FHIT: variants seen among roughly 807,000 people sequenced by gnomAD.
FHIT encodes the protein bis(5'-adenosyl)-triphosphatase.
Under a neutral mutation model 17.9 loss-of-function variants are expected in FHIT, and 19 were observed. The ratio of observed to expected loss-of-function variants is 1.06; its 90% CI spans 0.74 to 1.56. The LOEUF (loss-of-function observed/expected upper bound fraction) is 1.56. FHIT is among the 40% of genes most tolerant of loss of function. The probability of loss-of-function intolerance (pLI) is 0.00; values close to 1 mark genes in which losing one functional copy is unlikely to be tolerated. For missense variants in FHIT, 248 were observed against 189.2 expected (o/e 1.31, Z -1.82); for synonymous variants, 81 against 69.7 (o/e 1.16, Z -0.81).
chr3:60,912,660 C>G (rs573331194), intron 3 of FHIT: 1 of 447,040 alleles, frequency 2.2e-6, no homozygotes, highest in Admixed American at 2.7e-5. Flanking sequence ...AGAGATAACT[C>G]TAGATATTCA....
chr3:60,205,276 G>A (rs1244143312), intron 5 of FHIT, among the ~76,000 whole-genome samples: 6 of 152,060 alleles, frequency 3.9e-5, no homozygotes, highest in Admixed American at 2.6e-4. Context: ...AAAGATAAAA[G>A]AATGAGTAAT....
chr3:60,037,428 G>A lies in FHIT; in HGVS notation c.104-23276C>T, dbSNP rs144849276. Among the ~76,000 whole-genome samples, 184 of 140,992 alleles carry A rather than the reference G, an allele frequency of 1.3e-3. 1 individual carries two copies. The highest frequency in any genetic ancestry group is 4.5e-3 in the African/African-American group (168 of 37,440). 92.5% of individuals were successfully genotyped at this position (140,992 alleles called of 152,430 possible). A position where few individuals can be genotyped will look rare whatever the true frequency, so the allele number is the denominator to read the frequency against. ...TTTTGAGACGGAGTCTTGCTCTGTCGCCCGAGTGCAGTGGCGAAATCTTGG... is the reference window on the plus strand; with the variant it reads ...TTTTGAGACGGAGTCTTGCTCTGTCACCCGAGTGCAGTGGCGAAATCTTGG... On this transcript the variant is annotated intron_variant, in intron 5 of 9. Coordinates refer to ENST00000492590, the MANE Select transcript of FHIT (RefSeq NM_002012.4).
intron 8 of FHIT, among the ~76,000 whole-genome samples, chr3:59,910,472 C>T (rs1486445852): frequency 1.3e-5 from 2 of 152,074 alleles, no homozygotes; most frequent in African/African-American, 4.8e-5. Context: ...TTTCACATTT[C>T]CCCCCCTTCT....
chr3:60,643,979 T>A, intron 4 of FHIT, among the ~76,000 whole-genome samples: 1 of 152,194 alleles, frequency 6.6e-6, no homozygotes, highest in East Asian at 1.9e-4. Context: ...ACCAAATATG[T>A]TTGGGCAATG....
At chr3:60,272,085 G>A (rs1271222805) in intron 5 of FHIT, among the ~76,000 whole-genome samples, 1 of 152,200 alleles carries the variant, frequency 6.6e-6, no homozygotes, top group Non-Finnish European at 1.5e-5. Context: ...CCACGCTGCA[G>A]TACTGCCTCC....
chr3:60,798,408 T>A (rs1276902679), intron 4 of FHIT, among the ~76,000 whole-genome samples: 1 of 152,230 alleles, frequency 6.6e-6, no homozygotes, highest in East Asian at 1.9e-4. Flanking sequence ...AGAGCTGTTG[T>A]CTTTGATATT....
Position 60,885,388 on chromosome 3 carries a change from T to C in FHIT, c.-110-63377A>G, listed in dbSNP as rs541353708. 1.1e-4 allele frequency among the ~76,000 whole-genome samples: 17 copies of C among 152,276 alleles called. 1 individual carries two copies. The East Asian group carries it at 3.3e-3, about 29-fold the overall frequency. ...ATATCTTTAATAAATTAAACTTTTG[T>C]TAAAAGCCCAAATTATAGTAAATAA... On this transcript the variant is annotated intron_variant, in intron 3 of 9. Transcript: ENST00000492590.
intron 8 of FHIT, among the ~76,000 whole-genome samples, chr3:59,854,142 T>A (rs981281555): frequency 1.9e-4 from 29 of 152,156 alleles, no homozygotes; most frequent in Admixed American, 6.6e-5. Flanking sequence ...GTATCAAAAG[T>A]CGTTAGCCCT....
At chr3:61,055,847 A>T (rs2034198521) in intron 2 of FHIT, among the ~76,000 whole-genome samples, 1 of 152,090 alleles carries the variant, frequency 6.6e-6, no homozygotes, top group African/African-American at 2.4e-5. Flanking sequence ...TTTATTTTTA[A>T]TTTTTGTGGA....
chr3:61,165,803 C>A (rs2037819834), intron 2 of FHIT: 1 of 152,018 alleles, frequency 6.6e-6, no homozygotes, highest in Non-Finnish European at 1.5e-5. Context: ...CCATTGCACT[C>A]CAGCCTGGGT....
At chr3:61,215,973 A>G (rs1203899373) in intron 1 of FHIT, among the ~76,000 whole-genome samples, 3 of 127,078 alleles carry the variant, frequency 2.4e-5, no homozygotes, top group African/African-American at 8.8e-5. Context: ...TCCCTTCCTT[A>G]CATCTTATAC....
At chr3:60,450,508 C>G (rs907120739) in intron 5 of FHIT, among the ~76,000 whole-genome samples, 1 of 151,960 alleles carries the variant, frequency 6.6e-6, no homozygotes, top group African/African-American at 2.4e-5. Flanking sequence ...AGAAAAAGTC[C>G]ATTAAGCCAC....
At chr3:59,981,994 A>T (rs1575812410) in intron 7 of FHIT, among the ~76,000 whole-genome samples, 1 of 152,258 alleles carries the variant, frequency 6.6e-6, no homozygotes, top group South Asian at 2.1e-4. Context: ...TGGTATTAAA[A>T]ATCAGTTGAC....
chr3:59,918,226 T>A (rs201004972), intron 8 of FHIT, among the ~76,000 whole-genome samples: 1 of 152,130 alleles, frequency 6.6e-6, no homozygotes, highest in African/African-American at 2.4e-5. Context: ...TGTTTTTTTT[T>A]AAATGTGTTC....
chr3:60,351,207 C>T (rs1272257905), intron 5 of FHIT, among the ~76,000 whole-genome samples: 4 of 152,230 alleles, frequency 2.6e-5, no homozygotes, highest in African/African-American at 9.6e-5. Context: ...CAAACTAATA[C>T]AAGGGGCCTA....
intron 5 of FHIT, among the ~76,000 whole-genome samples, chr3:60,206,337 G>A (rs1300204971): frequency 2.0e-5 from 3 of 151,984 alleles, no homozygotes; most frequent in Non-Finnish European, 4.4e-5. Context: ...CACACCCTAT[G>A]TAAGTTATTC....
At chr3:59,892,857 C>T (rs1283203098) in intron 8 of FHIT, among the ~76,000 whole-genome samples, 1 of 152,134 alleles carries the variant, frequency 6.6e-6, no homozygotes, top group African/African-American at 2.4e-5. Flanking sequence ...AAAGAACATG[C>T]TCTTTGGTCA....
intron 3 of FHIT, among the ~76,000 whole-genome samples, chr3:61,000,336 C>G (rs1453280868): frequency 6.6e-6 from 1 of 152,186 alleles, no homozygotes; most frequent in African/African-American, 2.4e-5. Flanking sequence ...TAAGCTCTGG[C>G]TGTAAGGACA....
intron 4 of FHIT, among the ~76,000 whole-genome samples, chr3:60,597,740 C>T (rs781821751): frequency 2.4e-4 from 37 of 152,078 alleles, no homozygotes; most frequent in Non-Finnish European, 4.7e-4. Flanking sequence ...GTTTAAAAGC[C>T]GATCTTATCA....
Sources: gnomAD v4.1 joint callset for allele counts (sites outside exome capture counted in the v4.1 genomes callset) on GRCh38, gnomAD v4.1.1 for gene constraint, MANE v1.5 for transcripts, NCBI Gene and HGNC (gene_info 2026-07-23, HGNC 2026-07-21) for gene names.